GADL1: variants seen among roughly 807,000 people sequenced by gnomAD.
GADL1 encodes GAD like acidic amino acid decarboxylase 1.
A neutral mutation model predicts 69.5 loss-of-function variants in GADL1; 71 were observed. The observed-to-expected ratio is 1.02, with a 90% confidence interval of 0.84 to 1.25. The LOEUF is 1.25. Ranked by LOEUF, GADL1 falls within the 50% of genes most tolerant of loss-of-function variation. The probability of loss-of-function intolerance (pLI) is 0.00; values close to 1 mark genes in which losing one functional copy is unlikely to be tolerated. For missense variants in GADL1, 737 were observed against 631.8 expected, an observed-to-expected ratio of 1.17 and a Z score of -1.79; for synonymous variants, 254 against 214.4, an observed-to-expected ratio of 1.18 and a Z score of -1.62.
At position 30,742,898 on chromosome 3, in the gene GADL1, A is replaced by G. The variant is rs115089185; in HGVS notation, c.1393-14483T>C. The stretch of plus-strand genomic sequence containing the variant: ...TTTTTTTATTTACTTGTTCAGAGAT[A>G]GGAAGAAAATGGTGAAATTGCTACT... On this transcript the variant is annotated intron_variant, in intron 14 of 14. Coordinates refer to ENST00000282538, the MANE Select transcript of GADL1 (RefSeq NM_207359.3). Among the ~76,000 whole-genome samples the G allele has an allele frequency of 1.5e-3, 226 of 152,198 alleles. 1 individual carries two copies. Among genetic ancestry groups the G allele is most frequent in the African/African-American group, 5.2e-3 (215 of 41,536 alleles).
intron 14 of GADL1, among the ~76,000 whole-genome samples, chr3:30,774,508 A>G (rs1696489349): frequency 6.6e-6 from 1 of 152,176 alleles, no homozygotes; most frequent in Non-Finnish European, 1.5e-5. Context: ...TGTTTTCATC[A>G]CTAACATCAC....
At chr3:30,741,190 A>ATATGTGTG (rs747105488) in intron 14 of GADL1, among the ~76,000 whole-genome samples, 1,391 of 132,620 alleles carry the variant, frequency 0.01, 34 homozygotes, top group African/African-American at 0.034. Context: ...TTATATAATT[A>ATATGTGTG]TGTGTGTGTG....
chr3:30,808,564 A>G (rs1697298058), intron 11 of GADL1, among the ~76,000 whole-genome samples: 1 of 152,164 alleles, frequency 6.6e-6, no homozygotes, highest in Non-Finnish European at 1.5e-5. Context: ...AGGTCAATAC[A>G]AAGCGTCTGT....
At chr3:30,875,601 G>A (rs545984906) in intron 1 of GADL1, among the ~76,000 whole-genome samples, 1 of 152,002 alleles carries the variant, frequency 6.6e-6, no homozygotes, top group South Asian at 2.1e-4. Flanking sequence ...CGAAAGAATA[G>A]GAGGCAGAGG....
At chr3:30,783,450 A>AC (rs34549778) in intron 13 of GADL1, among the ~76,000 whole-genome samples, 35,291 of 152,080 alleles carry the variant, frequency 0.23, 4,732 homozygotes, top group Non-Finnish European at 0.3. Flanking sequence ...ATACTCAAGT[A>AC]CTGGGTATTG....
intron 1 of GADL1, among the ~76,000 whole-genome samples, chr3:30,867,461 C>CACACATATATGT (rs1698421160): frequency 1.5e-5 from 2 of 132,374 alleles, no homozygotes; most frequent in Non-Finnish European, 3.3e-5. Flanking sequence ...TATATATATA[C>CACACATATATGT]ATATATATGA....
At chr3:30,780,667 G>GTTAGGAC (rs1479764847) in intron 13 of GADL1, among the ~76,000 whole-genome samples, 1 of 152,124 alleles carries the variant, frequency 6.6e-6, no homozygotes, top group African/African-American at 2.4e-5. Flanking sequence ...TATTTTACAA[G>GTTAGGAC]TTAGGACTTA....
chr3:30,732,151 C>A (rs189096112), intron 14 of GADL1, among the ~76,000 whole-genome samples: 1 of 152,128 alleles, frequency 6.6e-6, no homozygotes, highest in Admixed American at 6.6e-5. Context: ...TTTGGATATT[C>A]CTTTTTGCTG....
In GADL1 at chr3:30,857,152, A is replaced by G; in HGVS notation, c.211-11T>C. The G allele has an allele frequency of 6.5e-7, 1 of 1,549,432 alleles. No individual in the cohort carries two copies. The highest frequency in any genetic ancestry group is 8.7e-7 in the Non-Finnish European group (1 of 1,145,334). ...CCTCCATTCACACACCTGGAGATTC[A>G]ACCACAACACAAATTGAGTATCCAC... On this transcript the variant is annotated splice_polypyrimidine_tract_variant and intron_variant, in intron 2 of 14. Coordinates refer to ENST00000282538, the MANE Select transcript of GADL1 (RefSeq NM_207359.3).
chr3:30,765,963 A>G (rs750851723), intron 14 of GADL1, among the ~76,000 whole-genome samples: 3 of 152,134 alleles, frequency 2.0e-5, no homozygotes, highest in Non-Finnish European at 4.4e-5. Context: ...AAAATGTGTC[A>G]TAAGAGTATA....
chr3:30,860,087 T>C (rs577953841), intron 2 of GADL1, among the ~76,000 whole-genome samples: 1 of 151,834 alleles, frequency 6.6e-6, no homozygotes, highest in South Asian at 2.1e-4. Flanking sequence ...ATGAGTACCC[T>C]AACGCCAAAC....
chr3:30,797,496 A>C (rs1257166364), intron 12 of GADL1, among the ~76,000 whole-genome samples: 2 of 152,158 alleles, frequency 1.3e-5, no homozygotes, highest in Non-Finnish European at 2.9e-5. Flanking sequence ...TTTAATCTTT[A>C]CAGTAACTGT....
chr3:30,832,722 C>T (rs1697811934), intron 11 of GADL1, among the ~76,000 whole-genome samples: 1 of 152,000 alleles, frequency 6.6e-6, no homozygotes, highest in Non-Finnish European at 1.5e-5. Flanking sequence ...CTTTGGTTCA[C>T]AATCAATATG....
intron 11 of GADL1, among the ~76,000 whole-genome samples, chr3:30,830,257 C>CCG (rs938020042): frequency 7.9e-5 from 12 of 151,872 alleles, no homozygotes; most frequent in African/African-American, 2.7e-4. Flanking sequence ...GCAAAGTCCC[C>CCG]CCCTGCCAGC....
At chr3:30,826,505 C>A (rs1166802366) in intron 11 of GADL1, among the ~76,000 whole-genome samples, 1 of 151,796 alleles carries the variant, frequency 6.6e-6, no homozygotes, top group Non-Finnish European at 1.5e-5. Flanking sequence ...AGGCAAAACC[C>A]CAACTCATCT....
chr3:30,821,000 T>G lies in GADL1; in HGVS notation c.1050+12853A>C, dbSNP rs551183164. On this transcript the variant is annotated intron_variant, in intron 11 of 14. Transcript: ENST00000282538. ...TGGAATACTATGCAGCCATAAAAAA[T>G]GATGAGTTCATGTCCTTTGTAGGGA... Among the ~76,000 whole-genome samples the G allele has an allele frequency of 2.8e-4, 43 of 152,084 alleles. 1 individual carries two copies. In the South Asian group the frequency reaches 8.5e-3, roughly 30 times the overall value.
At chr3:30,836,921 C>T (rs192001520) in intron 9 of GADL1, among the ~76,000 whole-genome samples, 13 of 150,782 alleles carry the variant, frequency 8.6e-5, no homozygotes, top group Admixed American at 6.6e-4. Context: ...TTTTCTTATT[C>T]GGTTGTTTAA....
At chr3:30,749,733 A>C (rs562684353) in intron 14 of GADL1, among the ~76,000 whole-genome samples, 1 of 152,328 alleles carries the variant, frequency 6.6e-6, no homozygotes, top group Admixed American at 6.5e-5. Context: ...GGCAGGCAGA[A>C]GTCCTCTACT....
At chr3:30,789,903 T>C (rs1236964056) in intron 12 of GADL1, among the ~76,000 whole-genome samples, 2 of 152,208 alleles carry the variant, frequency 1.3e-5, no homozygotes, top group African/African-American at 4.8e-5. Flanking sequence ...CTTTGATCTA[T>C]CCAGAACTCT....
Sources: allele counts gnomAD v4.1 joint callset (sites outside exome capture counted in the v4.1 genomes callset), GRCh38; gene constraint gnomAD v4.1.1; transcripts MANE v1.5; gene names NCBI Gene and HGNC (gene_info 2026-07-23, HGNC 2026-07-21).